The following DDX46 variants were observed in gnomAD, a reference collection of about 807,000 sequenced individuals.
The protein encoded by DDX46 is probable ATP-dependent RNA helicase DDX46.
DDX46 carries 30 observed loss-of-function variants against 134.9 expected under a neutral mutation model. That is an observed-to-expected ratio of 0.22 (90% CI 0.17 to 0.30). The LOEUF is 0.30. Ranked by LOEUF, DDX46 falls within the 10% of genes least tolerant of loss-of-function variation. The pLI, the probability that DDX46 is intolerant of heterozygous loss-of-function variation, is 1.00. For synonymous variants in DDX46, 415 were observed against 404.1 expected (o/e 1.03, Z -0.32); for missense variants, 622 against 1,248.7 (o/e 0.50, Z 7.56).
Position 134,783,018 on chromosome 5 carries a change from C to G in DDX46, c.1119C>G (p.Ser373=), listed in dbSNP as rs769236550. 3.7e-6 allele frequency: 6 copies of G among 1,613,706 alleles called. No homozygotes were observed. The highest frequency in any genetic ancestry group is 4.2e-6 in the Non-Finnish European group (5 of 1,179,778). ...AAGGTTGCCCCAAACCAATTAAATC[C>G]TGGGTCCAGTGTGGAATTTCCATGA... ...KGKGCPKPIK[S]WVQCGISMKI... is the part of the protein sequence containing the mutation. The change falls in exon 9 of 23, where the codon TCC becomes TCG. Residue 373 remains serine (S), a synonymous_variant. Transcript: ENST00000452510.
intron 5 of DDX46, among the ~76,000 whole-genome samples, chr5:134,775,120 A>G (rs1753894753): frequency 6.6e-6 from 1 of 151,952 alleles, no homozygotes; most frequent in Admixed American, 6.6e-5. Flanking sequence ...ATGCCCAGCT[A>G]ATTTTGTCAT....
chr5:134,800,416 C>T (rs1296035782), intron 15 of DDX46, among the ~76,000 whole-genome samples: 1 of 151,992 alleles, frequency 6.6e-6, no homozygotes, highest in Non-Finnish European at 1.5e-5. Context: ...GTAGTTCTTC[C>T]CCTTTTATTG....
chr5:134,798,959 T>A (rs543105493), intron 15 of DDX46, among the ~76,000 whole-genome samples: 1 of 152,348 alleles, frequency 6.6e-6, no homozygotes, highest in Non-Finnish European at 1.5e-5. Flanking sequence ...CCCTAAACAA[T>A]ACATTATAAA....
chr5:134,795,863 C>T, intron 14 of DDX46, 125 bp from the exon 15 acceptor site: 1 of 902,726 alleles, frequency 1.1e-6, no homozygotes, highest in South Asian at 1.8e-5. Flanking sequence ...CAACATCTTC[C>T]TAGCCCTTGG....
chr5:134,825,491 C>T (rs372499340), intron 21 of DDX46, among the ~76,000 whole-genome samples: 3 of 152,126 alleles, frequency 2.0e-5, no homozygotes, highest in Non-Finnish European at 4.4e-5. Flanking sequence ...AGAAAAGTTA[C>T]TCATTTCTAA....
chr5:134,773,096 G>A (rs1753823911), intron 4 of DDX46, among the ~76,000 whole-genome samples: 1 of 151,986 alleles, frequency 6.6e-6, no homozygotes, highest in African/African-American at 2.4e-5. Flanking sequence ...CACCATGCCT[G>A]GCCATAAACT....
chr5:134,759,578 CACA>C (rs1753314658), intron 1 of DDX46, among the ~76,000 whole-genome samples: 1 of 152,146 alleles, frequency 6.6e-6, no homozygotes, highest in Admixed American at 6.5e-5. Flanking sequence ...TAGATCTCAT[CACA>C]ACTTTAGATT....
chr5:134,760,340 G>T (rs186045016), intron 1 of DDX46, among the ~76,000 whole-genome samples: 33 of 152,292 alleles, frequency 2.2e-4, no homozygotes, highest in Admixed American at 1.2e-3. Context: ...GTGGGAAGGC[G>T]CAAGGTGTTA....
intron 5 of DDX46, 27 bp from the exon 6 acceptor site, chr5:134,777,547 T>A (rs1156494660): frequency 6.2e-7 from 1 of 1,609,798 alleles, no homozygotes; most frequent in East Asian, 2.2e-5. Flanking sequence ...AACAGATGTT[T>A]AAAGAATGTG....
chr5:134,785,975 AGTTGCTGGGACTACAG>A (rs1754321412), intron 11 of DDX46, among the ~76,000 whole-genome samples: 1 of 151,838 alleles, frequency 6.6e-6, no homozygotes, highest in South Asian at 2.1e-4. Context: ...CAGCCTCCCA[AGTTGCTGGGACTACAG>A]GTGCCTGCCA....
rs570344467 is a variant in DDX46 at position 134,769,019 on chromosome 5, C to G, written c.351-1884C>G. Among the ~76,000 whole-genome samples, 7 of 152,238 alleles carry G rather than the reference C, an allele frequency of 4.6e-5. No individual in the cohort carries two copies. In the South Asian group the frequency reaches 1.4e-3, roughly 32 times the overall value. ...GTTGCAGTGAGCCGAGATTGCGCCA[C>G]TGCACTCCAGCCTGGCCGACAGAGA... On this transcript the variant is annotated intron_variant, in intron 3 of 22. Transcript: ENST00000452510.
intron 3 of DDX46, among the ~76,000 whole-genome samples, chr5:134,768,848 CA>C (rs1246796240): frequency 6.6e-6 from 1 of 152,048 alleles, no homozygotes; most frequent in Non-Finnish European, 1.5e-5. Context: ...ATCACGAGGT[CA>C]GGAGTTTGAG....
At chr5:134,778,821 G>A (rs1246336045) in intron 6 of DDX46, among the ~76,000 whole-genome samples, 7 of 152,004 alleles carry the variant, frequency 4.6e-5, no homozygotes, top group African/African-American at 1.2e-4. Flanking sequence ...TGATCCTCCC[G>A]CCTTGGCCTC....
intron 5 of DDX46, 111 bp from the exon 6 acceptor site, chr5:134,777,463 A>G (rs1208765635): frequency 1.7e-6 from 2 of 1,211,390 alleles, no homozygotes; most frequent in South Asian, 1.4e-5. Flanking sequence ...GTAATTGGAA[A>G]AGGGGTGTTT....
intron 15 of DDX46, among the ~76,000 whole-genome samples, chr5:134,798,652 G>A (rs1241336627): frequency 6.6e-6 from 1 of 152,168 alleles, no homozygotes; most frequent in African/African-American, 2.4e-5. Flanking sequence ...CCATCCCTGA[G>A]CAGTTGCTCA....
chr5:134,781,342 A>G (rs1754147283), intron 7 of DDX46, 96 bp downstream of exon 7: 11 of 934,328 alleles, frequency 1.2e-5, no homozygotes, highest in Non-Finnish European at 1.6e-6. Flanking sequence ...TGTGTGAGCT[A>G]GGAGAAATTC....
At chr5:134,780,872 CAAAA>C (rs149785066) in intron 6 of DDX46, 2 of 217,970 alleles carry the variant, frequency 9.2e-6, no homozygotes, top group African/African-American at 4.7e-5. Flanking sequence ...TACTAAAAAA[CAAAA>C]AAAATTAACT....
At chr5:134,802,693 C>T (rs193241205) in intron 15 of DDX46, among the ~76,000 whole-genome samples, 1 of 152,078 alleles carries the variant, frequency 6.6e-6, no homozygotes, top group Admixed American at 6.6e-5. Flanking sequence ...ATTATATGTG[C>T]TTTGAAATCT....
At chr5:134,805,813 G>A (rs1456841969) in intron 15 of DDX46, among the ~76,000 whole-genome samples, 4 of 152,100 alleles carry the variant, frequency 2.6e-5, no homozygotes, top group South Asian at 4.1e-4. Context: ...GATTACAGGC[G>A]TGAGCCTTGC....
Sources: gnomAD v4.1 joint callset for allele counts (sites outside exome capture counted in the v4.1 genomes callset) on GRCh38, gnomAD v4.1.1 for gene constraint, MANE v1.5 for transcripts, NCBI Gene and HGNC (gene_info 2026-07-23, HGNC 2026-07-21) for gene names.